RBFOX1: variants seen among roughly 807,000 people sequenced by gnomAD.
The protein encoded by RBFOX1 is RNA binding protein fox-1 homolog 1.
Under a neutral mutation model 57.7 loss-of-function variants are expected in RBFOX1, and 8 were observed. That is an observed-to-expected ratio of 0.14 (90% CI 0.08 to 0.25). The LOEUF (loss-of-function observed/expected upper bound fraction) is 0.25. RBFOX1 is among the 10% of genes least tolerant of loss of function. RBFOX1 has a pLI of 1.00. For missense variants in RBFOX1, 611 were observed against 548.5 expected, an observed-to-expected ratio of 1.11 and a Z score of -1.14; for synonymous variants, 326 against 222.4, an observed-to-expected ratio of 1.47 and a Z score of -4.15.
At chr16:6,766,466 C>T (rs1019639147) in intron 3 of RBFOX1, among the ~76,000 whole-genome samples, 7 of 151,980 alleles carry the variant, frequency 4.6e-5, no homozygotes, top group South Asian at 2.1e-4. Context: ...TGCCCTTCTT[C>T]ATTTTTAAAT....
At chr16:6,762,823 G>A (rs538585408) in intron 3 of RBFOX1, among the ~76,000 whole-genome samples, 1 of 152,274 alleles carries the variant, frequency 6.6e-6, no homozygotes, top group East Asian at 1.9e-4. Context: ...TAAAAACCAG[G>A]TGTTACCAGA....
chr16:5,959,183 A>G (rs770018919), intron 4 of RBFOX1, among the ~76,000 whole-genome samples: 1 of 152,200 alleles, frequency 6.6e-6, no homozygotes, highest in Admixed American at 6.5e-5. Flanking sequence ...ATGCTGGCTA[A>G]GCATCAGACA....
intron 1 of RBFOX1, among the ~76,000 whole-genome samples, chr16:5,435,925 C>A (rs1463809744): frequency 3.3e-5 from 5 of 152,234 alleles, no homozygotes; most frequent in Non-Finnish European, 7.3e-5. Flanking sequence ...TGCTTAAAAT[C>A]TAGGTACACA....
chr16:6,889,765 C>T (rs759192161), intron 3 of RBFOX1, among the ~76,000 whole-genome samples: 4 of 152,114 alleles, frequency 2.6e-5, no homozygotes, highest in Non-Finnish European at 5.9e-5. Flanking sequence ...TGGTAAAAAC[C>T]AGCATTTTTC....
chr16:6,961,419 AAAC>A (rs2082982178), intron 3 of RBFOX1, among the ~76,000 whole-genome samples: 1 of 152,204 alleles, frequency 6.6e-6, no homozygotes, highest in African/African-American at 2.4e-5. Flanking sequence ...TGGTGACTTA[AAAC>A]AACAAAGATT....
chr16:7,338,725 G>A (rs994002216), intron 4 of RBFOX1, among the ~76,000 whole-genome samples: 7 of 152,084 alleles, frequency 4.6e-5, no homozygotes, highest in South Asian at 4.2e-4. Flanking sequence ...TAGAAACATC[G>A]GCCTTAACAA....
intron 3 of RBFOX1, among the ~76,000 whole-genome samples, chr16:6,868,021 A>T (rs2060235546): frequency 6.6e-6 from 1 of 152,216 alleles, no homozygotes; most frequent in Non-Finnish European, 1.5e-5. Flanking sequence ...ACTATACTTC[A>T]GTTAACTTAT....
intron 3 of RBFOX1, among the ~76,000 whole-genome samples, chr16:6,934,064 G>T (rs1378501104): frequency 6.6e-6 from 1 of 152,170 alleles, no homozygotes; most frequent in Non-Finnish European, 1.5e-5. Context: ...GAGGCCTTGA[G>T]GGTAGGCGTA....
intron 1 of RBFOX1, among the ~76,000 whole-genome samples, chr16:5,374,484 G>A (rs2065937879): frequency 6.6e-6 from 1 of 152,122 alleles, no homozygotes; most frequent in South Asian, 2.1e-4. Context: ...AACAGAAAAG[G>A]ATGGAGTGTA....
intron 3 of RBFOX1, among the ~76,000 whole-genome samples, chr16:6,961,042 C>G (rs57826787): frequency 6.6e-6 from 1 of 150,986 alleles, no homozygotes; most frequent in Non-Finnish European, 1.5e-5. Flanking sequence ...ACTCAGGAGG[C>G]TGAGGCAGGA....
chr16:5,891,553 C>G (rs146375931), intron 4 of RBFOX1, among the ~76,000 whole-genome samples: 1 of 152,154 alleles, frequency 6.6e-6, no homozygotes, highest in African/African-American at 2.4e-5. Context: ...CCCGAGAGCC[C>G]GCTTAATTGG....
chr16:7,362,782 G>C (rs1021891662), intron 4 of RBFOX1, among the ~76,000 whole-genome samples: 8 of 152,168 alleles, frequency 5.3e-5, no homozygotes, highest in African/African-American at 1.7e-4. Flanking sequence ...GTATATGTGT[G>C]TGTGTGCATT....
intron 3 of RBFOX1, among the ~76,000 whole-genome samples, chr16:5,722,511 C>G (rs1230238761): frequency 6.6e-6 from 1 of 152,112 alleles, no homozygotes; most frequent in South Asian, 2.1e-4. Context: ...CCAGGTGTCC[C>G]CAGGGGATCA....
chr16:5,810,582 C>T (rs527280476), intron 3 of RBFOX1, among the ~76,000 whole-genome samples: 3 of 152,142 alleles, frequency 2.0e-5, no homozygotes, highest in Admixed American at 1.3e-4. Context: ...ACATCATCAC[C>T]TCCGTAATTT....
At chr16:7,160,860 C>G (rs200099528) in intron 4 of RBFOX1, among the ~76,000 whole-genome samples, 3 of 142,780 alleles carry the variant, frequency 2.1e-5, no homozygotes, top group Non-Finnish European at 4.7e-5. Flanking sequence ...CCTCCTCCTT[C>G]TTTTTCTTCG....
At chr16:7,039,944 G>T (rs2045641676) in intron 3 of RBFOX1, among the ~76,000 whole-genome samples, 1 of 151,968 alleles carries the variant, frequency 6.6e-6, no homozygotes, top group Non-Finnish European at 1.5e-5. Context: ...TGGAGCTTTT[G>T]TTTTGTTTTT....
At chr16:5,853,674 A>G (rs904708213) in intron 3 of RBFOX1, among the ~76,000 whole-genome samples, 25 of 152,196 alleles carry the variant, frequency 1.6e-4, no homozygotes, top group African/African-American at 4.8e-5. Context: ...AGAGTTCAGG[A>G]TGTGAAGTCC....
At chr16:7,100,682 C>G (rs1372293668) in intron 4 of RBFOX1, among the ~76,000 whole-genome samples, 1 of 146,434 alleles carries the variant, frequency 6.8e-6, no homozygotes, top group Non-Finnish European at 1.5e-5. Context: ...ATGAAATGAA[C>G]AATAACAACT....
intron 1 of RBFOX1, among the ~76,000 whole-genome samples, chr16:5,307,218 C>G (rs914644524): frequency 2.6e-5 from 4 of 152,140 alleles, no homozygotes; most frequent in Admixed American, 2.6e-4. Flanking sequence ...TTCATGTTTG[C>G]ATGCTTTAGG....
Sources: gnomAD v4.1 joint callset for allele counts (sites outside exome capture counted in the v4.1 genomes callset) on GRCh38, gnomAD v4.1.1 for gene constraint, MANE v1.5 for transcripts, NCBI Gene and HGNC (gene_info 2026-07-23, HGNC 2026-07-21) for gene names.